Variants in RALGPS1 observed in about 807,000 individuals in gnomAD.
RALGPS1 encodes ras-specific guanine nucleotide-releasing factor RalGPS1.
In RALGPS1, 19 loss-of-function variants were observed where a neutral mutation model predicts 78.8. The observed-to-expected ratio is 0.24, with a 90% CI of 0.17 to 0.35. The LOEUF (loss-of-function observed/expected upper bound fraction) is 0.35. Among genes scored for constraint, RALGPS1 ranks in the 10% least tolerant of loss-of-function variants. The pLI, the probability that RALGPS1 is intolerant of heterozygous loss-of-function variation, is 1.00. For missense variants in RALGPS1, 454 were observed against 688.3 expected (o/e 0.66, Z 3.81); for synonymous variants, 228 against 256.3 (o/e 0.89, Z 1.06).
At chr9:127,081,950 G>A (rs2051216623) in intron 8 of RALGPS1, among the ~76,000 whole-genome samples, 1 of 152,232 alleles carries the variant, frequency 6.6e-6, no homozygotes, top group Admixed American at 6.5e-5. Flanking sequence ...GCTGGCCCAG[G>A]ATGGCCATTC....
Position 127,183,787 on chromosome 9 carries a change from G to A in RALGPS1, c.910+9005G>A. 2.4e-6 allele frequency: 3 copies of A among 1,241,414 alleles called. No homozygotes were observed. Among genetic ancestry groups the A allele is most frequent in the African/African-American group, 1.5e-5 (1 of 66,502 alleles). The allele number at this position is 1,241,414 out of a possible 1,614,324, so 76.9% of individuals were successfully genotyped here. ...ATTTTCGGAATGGATGGGTGGGAGGGGCCCTCCATGAGGACCTCAGGGATA... is the reference window on the plus strand; with the variant it reads ...ATTTTCGGAATGGATGGGTGGGAGGAGCCCTCCATGAGGACCTCAGGGATA... On this transcript the variant is annotated intron_variant, in intron 11 of 18. Transcript: ENST00000259351. The surrounding 1 kb of genome is among the most constrained non-coding windows in gnomAD (Gnocchi z 4.0).
chr9:127,105,686 G>A (rs905671978), intron 8 of RALGPS1, among the ~76,000 whole-genome samples: 5 of 152,088 alleles, frequency 3.3e-5, no homozygotes, highest in African/African-American at 7.2e-5. Context: ...TTTTGGCCTC[G>A]ACGGATACTC....
At chr9:127,138,583 C>A (rs1407809307) in intron 8 of RALGPS1, among the ~76,000 whole-genome samples, 1 of 152,126 alleles carries the variant, frequency 6.6e-6, no homozygotes, top group Admixed American at 6.5e-5. Flanking sequence ...ATAGAAGAAA[C>A]TCCTGGAAAG....
intron 1 of RALGPS1, among the ~76,000 whole-genome samples, chr9:126,918,959 C>T (rs865939514): frequency 3.4e-4 from 52 of 152,072 alleles, no homozygotes; most frequent in South Asian, 2.1e-4. Flanking sequence ...CGTGAGCCAC[C>T]GCACCGGGCC....
chr9:127,027,769 G>A (rs2046082838), intron 4 of RALGPS1, among the ~76,000 whole-genome samples: 1 of 152,182 alleles, frequency 6.6e-6, no homozygotes, highest in African/African-American at 2.4e-5. Context: ...TGTGAGTTCT[G>A]ACTTTTCTGA....
At chr9:127,068,872 GGGT>G (rs1435690349) in intron 7 of RALGPS1, among the ~76,000 whole-genome samples, 2 of 152,284 alleles carry the variant, frequency 1.3e-5, no homozygotes, top group East Asian at 1.9e-4. Flanking sequence ...TCTAGAAAAA[GGGT>G]GGTAACTTTC....
intron 8 of RALGPS1, among the ~76,000 whole-genome samples, chr9:127,090,576 A>G (rs954717603): frequency 6.6e-6 from 1 of 152,200 alleles, no homozygotes; most frequent in Non-Finnish European, 1.5e-5. Context: ...GGGACCTGGC[A>G]TGAGGATCCC....
intron 8 of RALGPS1, among the ~76,000 whole-genome samples, chr9:127,135,087 C>T (rs533480882): frequency 2.0e-5 from 3 of 152,220 alleles, no homozygotes; most frequent in East Asian, 1.9e-4. Context: ...TATAGACCTT[C>T]GGCCCACCAA....
intron 5 of RALGPS1, among the ~76,000 whole-genome samples, chr9:127,045,907 G>A (rs2047729695): frequency 6.6e-6 from 1 of 152,030 alleles, no homozygotes; most frequent in South Asian, 2.1e-4. Flanking sequence ...ACTGTTATTT[G>A]ATAAAAGGAA....
intron 7 of RALGPS1, among the ~76,000 whole-genome samples, chr9:127,065,387 C>T (rs925154497): frequency 3.9e-5 from 6 of 152,124 alleles, no homozygotes; most frequent in African/African-American, 1.2e-4. Flanking sequence ...GCTGGGATTA[C>T]AGGCGTGAGC....
chr9:127,189,135 C>T (rs1337565485), intron 11 of RALGPS1, among the ~76,000 whole-genome samples: 1 of 151,996 alleles, frequency 6.6e-6, no homozygotes, highest in East Asian at 1.9e-4. Flanking sequence ...TTTGTGGCCT[C>T]ACTCAGTGAG....
At chr9:126,990,095 C>G (rs2042151215) in intron 4 of RALGPS1, 2 of 1,400,950 alleles carry the variant, frequency 1.4e-6, no homozygotes, top group Admixed American at 2.2e-5. Flanking sequence ...CGGACAAACC[C>G]TGTGTGTCTT....
chr9:127,104,456 T>G (rs531273573), intron 8 of RALGPS1, among the ~76,000 whole-genome samples: 1 of 152,162 alleles, frequency 6.6e-6, no homozygotes, highest in African/African-American at 2.4e-5. Flanking sequence ...GCAGGATAGG[T>G]GGGGCAGAGG....
chr9:127,206,697 C>A (rs985319508), intron 14 of RALGPS1, among the ~76,000 whole-genome samples: 3 of 152,144 alleles, frequency 2.0e-5, no homozygotes, highest in Non-Finnish European at 2.9e-5. Context: ...AAGGCCTCAA[C>A]ATAATTATTT....
intron 10 of RALGPS1, 112 bp from the exon 11 acceptor site, chr9:127,174,603 G>C (rs1564720044): frequency 2.2e-6 from 2 of 908,480 alleles, no homozygotes; most frequent in African/African-American, 1.6e-5. Context: ...ATCTGGAGCA[G>C]ATCTCACAGT....
chr9:126,969,597 A>G (rs570955560), intron 3 of RALGPS1, among the ~76,000 whole-genome samples: 1 of 152,296 alleles, frequency 6.6e-6, no homozygotes, highest in Non-Finnish European at 1.5e-5. Context: ...TGTTCTATTT[A>G]TGTATGTTTA....
At chr9:127,104,276 C>T (rs1395428319) in intron 8 of RALGPS1, among the ~76,000 whole-genome samples, 1 of 152,208 alleles carries the variant, frequency 6.6e-6, no homozygotes, top group Non-Finnish European at 1.5e-5. Flanking sequence ...GCTGTCCTTT[C>T]CTCCCTGATC....
chr9:126,956,249 C>A (rs3120027), intron 1 of RALGPS1, among the ~76,000 whole-genome samples: 3 of 151,876 alleles, frequency 2.0e-5, no homozygotes, highest in East Asian at 2.0e-4. Flanking sequence ...GTTCTCAGGG[C>A]GGGGCTAGGC....
At chr9:127,182,848 A>C (rs778931834) in intron 11 of RALGPS1, among the ~76,000 whole-genome samples, 2 of 152,196 alleles carry the variant, frequency 1.3e-5, no homozygotes, top group African/African-American at 4.8e-5. Flanking sequence ...CCATTCTTGC[A>C]TCACCATAAA....
Sources: allele counts gnomAD v4.1 joint callset (sites outside exome capture counted in the v4.1 genomes callset), GRCh38; gene constraint gnomAD v4.1.1; non-coding constraint Gnocchi (gnomAD v3.1); transcripts MANE v1.5; gene names NCBI Gene and HGNC (gene_info 2026-07-23, HGNC 2026-07-21).